The following CPVL variants were observed in gnomAD, a reference collection of about 807,000 sequenced individuals.
CPVL encodes the protein probable serine carboxypeptidase CPVL.
In CPVL, 51 loss-of-function variants were observed where a neutral mutation model predicts 63.7. The ratio of observed to expected loss-of-function variants is 0.80; its 90% CI spans 0.64 to 1.01. The LOEUF (loss-of-function observed/expected upper bound fraction) is 1.01, where lower values mean the gene tolerates loss of function less well. CPVL is among the 50% of genes least tolerant of loss of function. The pLI is 0.00. For synonymous variants in CPVL, 195 were observed against 206.0 expected (o/e 0.95, Z 0.46); for missense variants, 530 against 573.1 (o/e 0.92, Z 0.77).
At chr7:29,142,333 A>T (rs1156517637) in intron 1 of CPVL, among the ~76,000 whole-genome samples, 1 of 152,054 alleles carries the variant, frequency 6.6e-6, no homozygotes, top group Non-Finnish European at 1.5e-5. Context: ...ATTCCCATTC[A>T]ACCACCCCTT....
chr7:29,065,155 C>G (rs1783026535), intron 10 of CPVL, among the ~76,000 whole-genome samples: 1 of 151,592 alleles, frequency 6.6e-6, no homozygotes, highest in Admixed American at 6.6e-5. Flanking sequence ...ATTAAAAAAA[C>G]TGTTAAAGTT....
At chr7:29,029,961 A>G (rs1224446132) in intron 12 of CPVL, among the ~76,000 whole-genome samples, 1 of 152,238 alleles carries the variant, frequency 6.6e-6, no homozygotes, top group Non-Finnish European at 1.5e-5. Flanking sequence ...CCTTCCCTCA[A>G]ACAAATCTCC....
chr7:29,195,074 T>C, intron 1 of CPVL: 1 of 1,406,414 alleles, frequency 7.1e-7, no homozygotes, highest in Non-Finnish European at 9.7e-7. Flanking sequence ...GGACAGAGCC[T>C]ACCTGTGGCC....
chr7:28,999,174 T>C (rs908746847), intron 12 of CPVL, among the ~76,000 whole-genome samples: 4 of 152,192 alleles, frequency 2.6e-5, no homozygotes, highest in African/African-American at 9.7e-5. Flanking sequence ...ATGGCACCAC[T>C]GCACTCCAGC....
At chr7:29,048,304 C>A (rs1309542366) in intron 11 of CPVL, among the ~76,000 whole-genome samples, 1 of 152,162 alleles carries the variant, frequency 6.6e-6, no homozygotes, top group Non-Finnish European at 1.5e-5. Flanking sequence ...AACCAACTAT[C>A]TGCTGCCTTC....
At chr7:29,098,348 G>C (rs1268881863) in intron 3 of CPVL, among the ~76,000 whole-genome samples, 1 of 152,132 alleles carries the variant, frequency 6.6e-6, no homozygotes, top group East Asian at 1.9e-4. Flanking sequence ...AGTCCTTCAC[G>C]GCTTTGGAAA....
intron 11 of CPVL, among the ~76,000 whole-genome samples, chr7:29,050,702 C>G (rs1338171787): frequency 6.6e-6 from 1 of 151,542 alleles, no homozygotes; most frequent in African/African-American, 2.4e-5. Flanking sequence ...CAATCCTCAT[C>G]AAAATACCAC....
At position 29,095,177 on chromosome 7, in the gene CPVL, G is replaced by A. The variant is rs367877098; in HGVS notation, c.404-35C>T. 7.6e-5 allele frequency: 120 copies of A among 1,583,010 alleles called. No homozygotes were observed. The African/African-American group carries it at 1.0e-3, about 14-fold the overall frequency. The stretch of plus-strand genomic sequence containing the variant: ...CAAAGAAGAGGGGTGAGATAGAGTC[G>A]TGGACAAGCATTCCACCGAGGCCTC... On this transcript the variant is annotated intron_variant, in intron 4 of 12. Coordinates refer to ENST00000265394, the MANE Select transcript of CPVL (RefSeq NM_031311.5).
intron 12 of CPVL, among the ~76,000 whole-genome samples, chr7:29,026,772 C>G (rs1787536023): frequency 6.6e-6 from 1 of 151,998 alleles, no homozygotes; most frequent in Non-Finnish European, 1.5e-5. Flanking sequence ...ACATATACAG[C>G]CTACCAAGAT....
chr7:29,076,758 T>C lies in CPVL; in HGVS notation c.610-4335A>G, dbSNP rs187273278. Among the ~76,000 whole-genome samples the C allele has an allele frequency of 8.5e-5, 13 of 152,344 alleles. No individual in the cohort carries two copies. The East Asian group carries it at 2.3e-3, about 27-fold the overall frequency. On this transcript the variant is annotated intron_variant, in intron 7 of 12. Transcript: ENST00000265394. ...GTACATGCTTGTATTTGCTGGAGCT[T>C]AAAGAGGCTATAAACTTCCAATTCT...
Position 29,146,419 on chromosome 7 carries a change from C to A in CPVL, c.-11+10G>T, listed in dbSNP as rs527380851. On this transcript the variant is annotated intron_variant, in intron 1 of 12. Transcript: ENST00000265394. ...GCTGGCACGACCCACGCAGGGCAGGCGGCACTTACGCGGCGCAGTCGGTGC... is the reference window on the plus strand; with the variant it reads ...GCTGGCACGACCCACGCAGGGCAGGAGGCACTTACGCGGCGCAGTCGGTGC... 3.8e-6 allele frequency: 4 copies of A among 1,050,340 alleles called. No individual in the cohort carries two copies. Among genetic ancestry groups the A allele is most frequent in the East Asian group, 2.7e-5 (1 of 37,164 alleles). 65.1% of individuals were successfully genotyped at this position (1,050,340 alleles called of 1,614,324 possible).
chr7:29,166,144 C>A (rs1350791440), intron 5 of CPVL, among the ~76,000 whole-genome samples: 2 of 152,106 alleles, frequency 1.3e-5, no homozygotes, highest in Non-Finnish European at 2.9e-5. Flanking sequence ...GACCCTCCTG[C>A]CTCACCCTCC....
chr7:29,070,224 G>C (rs1269413308), intron 9 of CPVL, among the ~76,000 whole-genome samples: 3 of 152,072 alleles, frequency 2.0e-5, no homozygotes, highest in Non-Finnish European at 2.9e-5. Flanking sequence ...TCACCTCGTG[G>C]GTCATGTTCT....
intron 7 of CPVL, among the ~76,000 whole-genome samples, chr7:29,085,441 G>A (rs1785108871): frequency 6.6e-6 from 1 of 152,182 alleles, no homozygotes; most frequent in South Asian, 2.1e-4. Context: ...ATTTTTAAAT[G>A]TAAGTAATAG....
At chr7:29,043,157 A>C (rs1326610460) in intron 11 of CPVL, among the ~76,000 whole-genome samples, 1 of 152,128 alleles carries the variant, frequency 6.6e-6, no homozygotes, top group East Asian at 1.9e-4. Context: ...GTAGATAGCA[A>C]AGTTAGTGGA....
Position 29,052,003 on chromosome 7 carries a change from C to T in CPVL, c.1137+12058G>A, listed in dbSNP as rs1295265782. On this transcript the variant is annotated intron_variant, in intron 11 of 12. Transcript: ENST00000265394. The stretch of plus-strand genomic sequence containing the variant: ...AAAAGGAATGAATTAACGGCATTTG[C>T]AGTGACCTGGATGAGATTGGAGACT... Among the ~76,000 whole-genome samples the T allele has an allele frequency of 9.9e-5, 15 of 151,350 alleles. No individual in the cohort carries two copies. The East Asian group carries it at 2.9e-3, about 29-fold the overall frequency.
chr7:29,175,413 T>C (rs562036037), intron 5 of CPVL, among the ~76,000 whole-genome samples: 2 of 152,114 alleles, frequency 1.3e-5, no homozygotes, highest in South Asian at 4.2e-4. Context: ...AGACTTCGGG[T>C]TTTCTGCCCG....
intron 2 of CPVL, among the ~76,000 whole-genome samples, chr7:29,119,704 A>G (rs1173557138): frequency 1.3e-5 from 2 of 152,148 alleles, no homozygotes; most frequent in African/African-American, 4.8e-5. Flanking sequence ...CATCTCTGTA[A>G]GTTGGGTAAG....
intron 5 of CPVL, among the ~76,000 whole-genome samples, chr7:29,178,886 AC>A (rs1256996851): frequency 6.6e-6 from 1 of 152,222 alleles, no homozygotes; most frequent in African/African-American, 2.4e-5. Context: ...AAGGTTAACT[AC>A]TATGTAAAGA....
Sources: gnomAD v4.1 joint callset for allele counts (sites outside exome capture counted in the v4.1 genomes callset) on GRCh38, gnomAD v4.1.1 for gene constraint, MANE v1.5 for transcripts, NCBI Gene and HGNC (gene_info 2026-07-23, HGNC 2026-07-21) for gene names.